RPIA: variants seen among roughly 807,000 people sequenced by gnomAD.
The protein encoded by RPIA is ribose-5-phosphate isomerase.
Under a neutral mutation model 37.8 loss-of-function variants are expected in RPIA, and 29 were observed. The ratio of observed to expected loss-of-function variants is 0.77; its 90% confidence interval spans 0.57 to 1.05. The LOEUF (loss-of-function observed/expected upper bound fraction) is 1.05. Ranked by LOEUF, RPIA falls within the 50% of genes least tolerant of loss-of-function variation. RPIA has a pLI of 0.00. For missense variants in RPIA, 385 were observed against 413.6 expected, an observed-to-expected ratio of 0.93 and a Z score of 0.60; for synonymous variants, 167 against 157.0, an observed-to-expected ratio of 1.06 and a Z score of -0.48.
intron 3 of RPIA, among the ~76,000 whole-genome samples, chr2:88,723,439 CAAGT>C (rs1673158598): frequency 6.6e-6 from 1 of 152,100 alleles, no homozygotes; most frequent in Admixed American, 6.5e-5. Flanking sequence ...TTGTTGGAAT[CAAGT>C]AAAACTCCAA....
chr2:88,737,159 A>G (rs563656201), intron 7 of RPIA, among the ~76,000 whole-genome samples: 1 of 152,294 alleles, frequency 6.6e-6, no homozygotes, highest in Admixed American at 6.5e-5. Flanking sequence ...TACTCTCCAG[A>G]TGGTCCAAAT....
At chr2:88,735,578 A>T in intron 5 of RPIA, 91 bp from the exon 6 acceptor site, 1 of 1,129,698 alleles carries the variant, frequency 8.9e-7, no homozygotes, top group Non-Finnish European at 1.4e-6. Context: ...AAGTGCCAGG[A>T]TTGAGTGGAT....
chr2:88,707,363 C>A (rs1672910873), intron 3 of RPIA, among the ~76,000 whole-genome samples: 1 of 151,926 alleles, frequency 6.6e-6, no homozygotes, highest in South Asian at 2.1e-4. Flanking sequence ...TCAAGTCCTG[C>A]CTTTATTGGA....
intron 8 of RPIA, among the ~76,000 whole-genome samples, chr2:88,741,631 T>G (rs567865605): frequency 2.0e-5 from 3 of 152,246 alleles, no homozygotes; most frequent in Non-Finnish European, 4.4e-5. Flanking sequence ...AGTTCTACTT[T>G]TGAGTTTTTT....
intron 3 of RPIA, among the ~76,000 whole-genome samples, chr2:88,726,640 A>G (rs537705519): frequency 6.6e-6 from 1 of 152,306 alleles, no homozygotes; most frequent in South Asian, 2.1e-4. Context: ...TATGGTAGAG[A>G]AGAAGTAGAG....
intron 8 of RPIA, among the ~76,000 whole-genome samples, chr2:88,746,004 T>C (rs1460015459): frequency 6.6e-6 from 1 of 152,164 alleles, no homozygotes; most frequent in Non-Finnish European, 1.5e-5. Flanking sequence ...TTGTCTTTCT[T>C]GGATTAGGTT....
At chr2:88,734,433 G>T in intron 4 of RPIA, 119 bp from the exon 5 acceptor site, 1 of 912,526 alleles carries the variant, frequency 1.1e-6, no homozygotes, top group South Asian at 1.3e-5. Context: ...TTTGCTAAAT[G>T]GGAGTACTAG....
intron 8 of RPIA, among the ~76,000 whole-genome samples, chr2:88,746,337 G>A (rs944139326): frequency 6.6e-5 from 10 of 152,134 alleles, no homozygotes; most frequent in African/African-American, 1.4e-4. Context: ...GTAGAACCTC[G>A]TTTTGTCGTA....
intron 3 of RPIA, among the ~76,000 whole-genome samples, chr2:88,725,685 A>G (rs1402946387): frequency 6.6e-6 from 1 of 152,206 alleles, no homozygotes; most frequent in Non-Finnish European, 1.5e-5. Context: ...CTGTCTCCAT[A>G]AAACATCACA....
intron 3 of RPIA, among the ~76,000 whole-genome samples, chr2:88,723,616 G>A (rs767627633): frequency 1.3e-5 from 2 of 152,138 alleles, no homozygotes; most frequent in Non-Finnish European, 1.5e-5. Flanking sequence ...AGCACTGATA[G>A]ATTTGTCAAA....
intron 3 of RPIA, among the ~76,000 whole-genome samples, chr2:88,724,890 A>G (rs763953472): frequency 2.6e-5 from 4 of 152,190 alleles, no homozygotes; most frequent in Non-Finnish European, 4.4e-5. Context: ...TGCTTCTACT[A>G]TGTAAGCACC....
chr2:88,715,027 C>G (rs1673015646), intron 3 of RPIA, among the ~76,000 whole-genome samples: 1 of 152,258 alleles, frequency 6.6e-6, no homozygotes, highest in Non-Finnish European at 1.5e-5. Context: ...TTTTTTTACT[C>G]CTACTGTAAC....
At chr2:88,736,758 T>A in intron 7 of RPIA, 82 bp downstream of exon 7, 1 of 1,483,798 alleles carries the variant, frequency 6.7e-7, no homozygotes, top group Non-Finnish European at 9.1e-7. Flanking sequence ...TGCAGTTAGG[T>A]CATGTGTGCT....
chr2:88,750,166 A>C lies in RPIA; in HGVS notation c.*88A>C. 6.1e-6 allele frequency: 5 copies of C among 816,242 alleles called. No homozygotes were observed. Among genetic ancestry groups the C allele is most frequent in the African/African-American group, 1.7e-5 (1 of 58,444 alleles). The allele number at this position is 816,242 out of a possible 1,614,324, so 50.6% of individuals were successfully genotyped here. A position where few individuals can be genotyped will look rare whatever the true frequency, so the allele number is the denominator to read the frequency against. ...TCTCCAGGAGCCTTTGCCTTAATGT[A>C]TCTCTGCCTGGACAACTTGTGGTGG... On this transcript the variant is annotated 3_prime_UTR_variant, in exon 9 of 9. Coordinates refer to ENST00000283646, the MANE Select transcript of RPIA (RefSeq NM_144563.3).
intron 3 of RPIA, among the ~76,000 whole-genome samples, chr2:88,704,524 A>C (rs1226126101): frequency 6.6e-6 from 1 of 152,204 alleles, no homozygotes; most frequent in Non-Finnish European, 1.5e-5. Flanking sequence ...AACTGCCCTC[A>C]TGATTCAATT....
At chr2:88,707,715 A>G (rs1043852539) in intron 3 of RPIA, among the ~76,000 whole-genome samples, 5 of 152,362 alleles carry the variant, frequency 3.3e-5, no homozygotes, top group African/African-American at 1.2e-4. Context: ...AAGAGATGCT[A>G]TGGCAAGGCA....
chr2:88,722,532 C>T (rs1324740086), intron 3 of RPIA, among the ~76,000 whole-genome samples: 1 of 152,238 alleles, frequency 6.6e-6, no homozygotes, highest in East Asian at 1.9e-4. Context: ...TAACGGACTC[C>T]ATCTTGCTTC....
chr2:88,735,868 C>A, intron 6 of RPIA, 131 bp downstream of exon 6: 2 of 875,596 alleles, frequency 2.3e-6, no homozygotes, highest in Non-Finnish European at 3.9e-6. Context: ...ATGGCTAGGA[C>A]TTAGTACAGT....
chr2:88,744,769 C>T (rs1044571004), intron 8 of RPIA, among the ~76,000 whole-genome samples: 1 of 152,046 alleles, frequency 6.6e-6, no homozygotes, highest in African/African-American at 2.4e-5. Context: ...TCTTTTCTAA[C>T]TTGTTGCTTT....
Sources: gnomAD v4.1 joint callset for allele counts (sites outside exome capture counted in the v4.1 genomes callset) on GRCh38, gnomAD v4.1.1 for gene constraint, MANE v1.5 for transcripts, NCBI Gene and HGNC (gene_info 2026-07-23, HGNC 2026-07-21) for gene names.